VPS41: variants seen among roughly 807,000 people sequenced by gnomAD.
VPS41 encodes the protein vacuolar protein sorting-associated protein 41 homolog.
In VPS41, 85 loss-of-function variants were observed where a neutral mutation model predicts 130.9. The observed-to-expected ratio is 0.65, with a 90% confidence interval of 0.55 to 0.78. The LOEUF (loss-of-function observed/expected upper bound fraction) is 0.78. Among genes scored for constraint, VPS41 ranks in the 30% least tolerant of loss-of-function variants. The pLI is 0.00. For synonymous variants in VPS41, 335 were observed against 332.9 expected (o/e 1.01, Z -0.07); for missense variants, 874 against 1,018.7 (o/e 0.86, Z 1.93).
intron 7 of VPS41, among the ~76,000 whole-genome samples, chr7:38,801,921 C>G (rs1784734375): frequency 6.6e-6 from 1 of 152,164 alleles, no homozygotes; most frequent in Non-Finnish European, 1.5e-5. Context: ...GTTAGTAATA[C>G]TCCTAAAATA....
At position 38,860,697 on chromosome 7, in the gene VPS41, T is replaced by TTGTGTG. The variant is rs59007809; in HGVS notation, c.246+1842_246+1847dup. Among the ~76,000 whole-genome samples, 378 of 143,490 alleles carry TTGTGTG rather than the reference T, an allele frequency of 2.6e-3. 4 individuals carry two copies. The highest frequency in any genetic ancestry group is 8.3e-3 in the African/African-American group (320 of 38,542). The allele number at this position is 143,490 out of a possible 152,430, so 94.1% of individuals were successfully genotyped here. A position where few individuals can be genotyped will look rare whatever the true frequency, so the allele number is the denominator to read the frequency against. ...AATTAAGCTATTATTAACAATCTGTTTGTGTGTGTGTGTGTGTGTGTGTGT... is the reference window on the plus strand; with the variant it reads ...AATTAAGCTATTATTAACAATCTGTTTGTGTGTGTGTGTGTGTGTGTGTGTGTGTGT... On this transcript the variant is annotated intron_variant, in intron 4 of 28. Coordinates refer to ENST00000310301, the MANE Select transcript of VPS41 (RefSeq NM_014396.4).
intron 2 of VPS41, among the ~76,000 whole-genome samples, chr7:38,882,163 G>A (rs578155226): frequency 3.4e-4 from 52 of 152,122 alleles, no homozygotes; most frequent in Middle Eastern, 3.2e-3. Context: ...AGTGCTCTTA[G>A]AATCACCGGT....
chr7:38,898,221 G>C (rs968232093), intron 1 of VPS41, 92 bp from the exon 2 acceptor site: 1 of 1,051,500 alleles, frequency 9.5e-7, no homozygotes, highest in East Asian at 2.5e-5. Context: ...CTACTACCAC[G>C]CATCTGCCCT....
At chr7:38,743,348 C>T in intron 24 of VPS41, 54 bp downstream of exon 24, 1 of 1,603,594 alleles carries the variant, frequency 6.2e-7, no homozygotes, top group Non-Finnish European at 8.5e-7. Flanking sequence ...CTAGACATAA[C>T]TGGTTACACT....
chr7:38,736,868 T>C (rs1795779893), intron 25 of VPS41, among the ~76,000 whole-genome samples: 1 of 152,226 alleles, frequency 6.6e-6, no homozygotes, highest in African/African-American at 2.4e-5. Context: ...AACCTAATTA[T>C]AGGGAGTGGC....
At chr7:38,848,358 G>A (rs546405734) in intron 4 of VPS41, among the ~76,000 whole-genome samples, 2 of 152,220 alleles carry the variant, frequency 1.3e-5, no homozygotes, top group Admixed American at 6.5e-5. Flanking sequence ...CAAAATGGGT[G>A]TAAGAATGGG....
intron 2 of VPS41, among the ~76,000 whole-genome samples, chr7:38,891,278 G>C (rs1269272570): frequency 6.6e-6 from 1 of 152,128 alleles, no homozygotes; most frequent in African/African-American, 2.4e-5. Context: ...ATTTTGCTAA[G>C]TATATAAGTT....
At position 38,726,913 on chromosome 7, in the gene VPS41, C is replaced by A; in HGVS notation, c.2480G>T (p.Ser827Ile). The A allele has an allele frequency of 1.3e-6, 2 of 1,563,638 alleles. No homozygotes were observed. Among genetic ancestry groups the A allele is most frequent in the Non-Finnish European group, 1.7e-6 (2 of 1,155,856 alleles). The change falls in exon 28 of 29, where the codon AGC becomes ATC. Residue 827 changes from serine to isoleucine, a missense_variant. Ser to Ile is a moderately radical substitution (Grantham distance 142, BLOSUM62 -2). Coordinates refer to ENST00000310301, the MANE Select transcript of VPS41 (RefSeq NM_014396.4). The part of the protein sequence containing the change: ...MFHKECLPMP[S>I]MNSAAQFCNI... ...GGTGCCAAGCTGCCAACTCACCATG[C>A]TGGGCATGGGCAGGCACTCCTTGTG...
intron 7 of VPS41, among the ~76,000 whole-genome samples, chr7:38,797,268 G>C (rs1466324375): frequency 1.3e-5 from 2 of 152,108 alleles, no homozygotes. Flanking sequence ...TAAGATATTA[G>C]TCACAGATTA....
intron 4 of VPS41, among the ~76,000 whole-genome samples, chr7:38,845,862 G>C (rs898066196): frequency 6.6e-6 from 1 of 152,088 alleles, no homozygotes; most frequent in Non-Finnish European, 1.5e-5. Flanking sequence ...TTTTCTTTCC[G>C]TATATAAGTA....
At chr7:38,834,898 CTTTTA>C (rs1382553134) in intron 4 of VPS41, among the ~76,000 whole-genome samples, 1 of 151,252 alleles carries the variant, frequency 6.6e-6, no homozygotes, top group African/African-American at 2.4e-5. Flanking sequence ...ATGAAAATAT[CTTTTA>C]TTTTACTTTT....
intron 7 of VPS41, among the ~76,000 whole-genome samples, chr7:38,813,219 C>T (rs1028755343): frequency 1.3e-5 from 2 of 152,050 alleles, no homozygotes; most frequent in East Asian, 3.9e-4. Context: ...ATACATGCCA[C>T]AACATTGATG....
chr7:38,880,487 T>C (rs75997300), intron 2 of VPS41, among the ~76,000 whole-genome samples: 2,830 of 152,240 alleles, frequency 0.019, 95 homozygotes, highest in African/African-American at 0.064. Context: ...AAGTAGCCCA[T>C]GACAGCCCAA....
intron 4 of VPS41, among the ~76,000 whole-genome samples, chr7:38,834,636 G>T (rs1345505423): frequency 6.6e-6 from 1 of 152,100 alleles, no homozygotes; most frequent in Non-Finnish European, 1.5e-5. Flanking sequence ...GCATGGTGAT[G>T]ATCTGTTTTA....
At chr7:38,899,659 G>A (rs1429232508) in intron 1 of VPS41, among the ~76,000 whole-genome samples, 2 of 152,008 alleles carry the variant, frequency 1.3e-5, no homozygotes, top group Non-Finnish European at 2.9e-5. Context: ...CACCACTGGG[G>A]TTGGAAGAGT....
chr7:38,767,433 T>C (rs1784068186), intron 15 of VPS41, 104 bp downstream of exon 15: 2 of 598,456 alleles, frequency 3.3e-6, no homozygotes, highest in Middle Eastern at 3.2e-4. Context: ...GTTAGAAAGA[T>C]GTACAAAAAT....
At chr7:38,882,259 C>T (rs1281622945) in intron 2 of VPS41, among the ~76,000 whole-genome samples, 1 of 152,136 alleles carries the variant, frequency 6.6e-6, no homozygotes, top group South Asian at 2.1e-4. Flanking sequence ...TGATGGTGTC[C>T]TTCATCCAGA....
chr7:38,808,972 A>T (rs1784887342), intron 7 of VPS41, among the ~76,000 whole-genome samples: 1 of 152,240 alleles, frequency 6.6e-6, no homozygotes, highest in Non-Finnish European at 1.5e-5. Flanking sequence ...TTCTAAGATG[A>T]ATAAATTCGG....
At position 38,723,063 on chromosome 7, in the gene VPS41, A is replaced by G. The variant is rs1340378210; in HGVS notation, c.*3183T>C. Reference sequence around the variant, plus strand: ...GTAAGAAAATCATAAGGAAAAGAAAATATATTTACTACTCATTAAGTAGAA... The same window carrying G: ...GTAAGAAAATCATAAGGAAAAGAAAGTATATTTACTACTCATTAAGTAGAA... On this transcript the variant is annotated 3_prime_UTR_variant, in exon 29 of 29. Transcript: ENST00000310301. 6.6e-6 allele frequency: 1 copy of G among 152,198 alleles called. No individual in the cohort carries two copies. The highest frequency in any genetic ancestry group is 1.5e-5 in the Non-Finnish European group (1 of 68,040). The allele number at this position is 152,198 out of a possible 1,614,324, so 9.4% of individuals were successfully genotyped here. A position where few individuals can be genotyped will look rare whatever the true frequency, so the allele number is the denominator to read the frequency against.
Sources: gnomAD v4.1 joint callset for allele counts (sites outside exome capture counted in the v4.1 genomes callset) on GRCh38, gnomAD v4.1.1 for gene constraint, MANE v1.5 for transcripts, NCBI Gene and HGNC (gene_info 2026-07-23, HGNC 2026-07-21) for gene names.